The following JAKMIP2 variants were observed in gnomAD, a reference collection of about 807,000 sequenced individuals.
JAKMIP2 encodes janus kinase and microtubule-interacting protein 2.
In JAKMIP2, 25 loss-of-function variants were observed where a neutral mutation model predicts 115.0. That is an observed-to-expected ratio of 0.22 (90% CI 0.16 to 0.30). The LOEUF (loss-of-function observed/expected upper bound fraction) is 0.30, where lower values mean the gene tolerates loss of function less well. Ranked by LOEUF, JAKMIP2 falls within the 10% of genes least tolerant of loss-of-function variation. JAKMIP2 has a pLI of 1.00. For synonymous variants in JAKMIP2, 334 were observed against 343.6 expected (o/e 0.97, Z 0.31); for missense variants, 642 against 957.6 (o/e 0.67, Z 4.35).
intron 17 of JAKMIP2, among the ~76,000 whole-genome samples, chr5:147,623,293 G>T (rs1756939556): frequency 6.7e-6 from 1 of 149,938 alleles, no homozygotes; most frequent in East Asian, 2.0e-4. Flanking sequence ...TAAAATCAGA[G>T]TTACACCCTC....
rs188717513 is a variant in JAKMIP2 at position 147,661,738 on chromosome 5, A to G, written c.130-293T>C. The G allele has an allele frequency of 1.0e-4, 33 of 329,938 alleles. No homozygotes were observed. In the Admixed American group the frequency reaches 1.4e-3, roughly 14 times the overall value. The allele number at this position is 329,938 out of a possible 1,614,324, so 20.4% of individuals were successfully genotyped here. ...CAAGCAGCCTCGGTATCACCCAGGA[A>G]GCATGTTAGAAGCACAGAATCCCTG... On this transcript the variant is annotated intron_variant, in intron 2 of 21. Coordinates refer to ENST00000616793, the MANE Select transcript of JAKMIP2 (RefSeq NM_001270941.2).
chr5:147,742,821 C>T (rs79004849), intron 1 of JAKMIP2, among the ~76,000 whole-genome samples: 9,897 of 151,906 alleles, frequency 0.065, 644 homozygotes, highest in African/African-American at 0.16. Context: ...TACACTATTT[C>T]GGTGTTAGAA....
chr5:147,704,475 G>T (rs767719234), intron 1 of JAKMIP2, among the ~76,000 whole-genome samples: 4 of 152,100 alleles, frequency 2.6e-5, no homozygotes, highest in Admixed American at 2.0e-4. Context: ...GTGGGACATG[G>T]CTGTATGTTC....
chr5:147,632,502 A>C (rs1282486203), intron 13 of JAKMIP2, among the ~76,000 whole-genome samples, 178 bp downstream of exon 13: 1 of 152,188 alleles, frequency 6.6e-6, no homozygotes, highest in Non-Finnish European at 1.5e-5. Flanking sequence ...TACTAGTCAC[A>C]GGACTTAGGC....
chr5:147,645,844 T>C (rs1758107226), intron 5 of JAKMIP2, among the ~76,000 whole-genome samples: 1 of 152,192 alleles, frequency 6.6e-6, no homozygotes, highest in South Asian at 2.1e-4. Context: ...CAAAATCGCC[T>C]GTAGTTGGGA....
Position 147,639,777 on chromosome 5 carries a change from A to G in JAKMIP2, c.1402-17T>C. ...TGCTAAACTCTTGAGGTTAAGAAAA[A>G]AAGCCCCAAAACAATTGTGTTATGT... is the stretch of plus-strand genomic sequence containing the variant. On this transcript the variant is annotated splice_polypyrimidine_tract_variant and intron_variant, in intron 9 of 21. Coordinates refer to ENST00000616793, the MANE Select transcript of JAKMIP2 (RefSeq NM_001270941.2). The G allele has an allele frequency of 6.2e-7, 1 of 1,610,062 alleles. No individual in the cohort carries two copies.
Position 147,590,100 on chromosome 5 carries a change from T to A in JAKMIP2, c.*1607A>T, listed in dbSNP as rs1755040986. ...AAAAAGTGGGACCCCAGCATTCTAGTTTTTATTGTACATTCTTCAGTTATT... is the reference window on the plus strand; with the variant it reads ...AAAAAGTGGGACCCCAGCATTCTAGATTTTATTGTACATTCTTCAGTTATT... On this transcript the variant is annotated 3_prime_UTR_variant, in exon 22 of 22. Coordinates refer to ENST00000616793, the MANE Select transcript of JAKMIP2 (RefSeq NM_001270941.2). 6.6e-6 allele frequency: 1 copy of A among 152,180 alleles called. No individual in the cohort carries two copies. Among genetic ancestry groups the A allele is most frequent in the Non-Finnish European group, 1.5e-5 (1 of 68,036 alleles). The allele number at this position is 152,180 out of a possible 1,614,324, so 9.4% of individuals were successfully genotyped here. A position where few individuals can be genotyped will look rare whatever the true frequency, so the allele number is the denominator to read the frequency against.
At chr5:147,751,959 A>G (rs1008135875) in intron 1 of JAKMIP2, among the ~76,000 whole-genome samples, 1 of 152,208 alleles carries the variant, frequency 6.6e-6, no homozygotes, top group Non-Finnish European at 1.5e-5. Flanking sequence ...GTCTGCCGTC[A>G]GCTTATAAAC....
At chr5:147,736,252 T>G (rs1580855480) in intron 1 of JAKMIP2, among the ~76,000 whole-genome samples, 1 of 150,490 alleles carries the variant, frequency 6.6e-6, no homozygotes, top group East Asian at 2.0e-4. Context: ...GATCAGGAGG[T>G]CAAGACCAGC....
At chr5:147,631,338 CG>C (rs1757339427) in intron 14 of JAKMIP2, 74 bp downstream of exon 14, 1 of 831,376 alleles carries the variant, frequency 1.2e-6, no homozygotes, top group Non-Finnish European at 1.9e-6. Context: ...ACAAAATAGT[CG>C]TAAGTAACCT....
Position 147,657,540 on chromosome 5 carries a change from C to T in JAKMIP2, c.627+3408G>A, listed in dbSNP as rs192718189. Among the ~76,000 whole-genome samples the T allele has an allele frequency of 2.1e-3, 322 of 152,190 alleles. 2 individuals carry two copies. The highest frequency in any genetic ancestry group is 7.2e-3 in the African/African-American group (301 of 41,534). Reference sequence around the variant, plus strand: ...GTTCTCTGTATTTCCTGGATTTGAACGTTGGCCTGTCTTGCTAGGTTGGAG... The same window carrying T: ...GTTCTCTGTATTTCCTGGATTTGAATGTTGGCCTGTCTTGCTAGGTTGGAG... On this transcript the variant is annotated intron_variant, in intron 3 of 21. Coordinates refer to ENST00000616793, the MANE Select transcript of JAKMIP2 (RefSeq NM_001270941.2).
At chr5:147,693,210 C>CT (rs569211840) in intron 1 of JAKMIP2, among the ~76,000 whole-genome samples, 85 of 152,288 alleles carry the variant, frequency 5.6e-4, no homozygotes, top group African/African-American at 2.0e-3. Context: ...AAGGCCAGCT[C>CT]TTATCTCTTA....
intron 2 of JAKMIP2, among the ~76,000 whole-genome samples, chr5:147,664,077 G>A (rs755390166): frequency 4.0e-4 from 61 of 152,130 alleles, no homozygotes; most frequent in African/African-American, 1.4e-3. Flanking sequence ...TATTCTAAAC[G>A]ATATTATTAC....
chr5:147,686,545 G>A (rs1760581747), intron 1 of JAKMIP2, among the ~76,000 whole-genome samples: 1 of 152,144 alleles, frequency 6.6e-6, no homozygotes, highest in Admixed American at 6.6e-5. Flanking sequence ...TATCCGCAGT[G>A]CTTAGCACAG....
Position 147,612,285 on chromosome 5 carries a change from G to A in JAKMIP2, c.2412+21C>T, listed in dbSNP as rs913931912. On this transcript the variant is annotated intron_variant, in intron 20 of 21. Coordinates refer to ENST00000616793, the MANE Select transcript of JAKMIP2 (RefSeq NM_001270941.2). Reference sequence around the variant, plus strand: ...TTCTGATTAAACAAATAATAAGATAGTTATTGAATTTGACACCTACCTTTT... The same window carrying A: ...TTCTGATTAAACAAATAATAAGATAATTATTGAATTTGACACCTACCTTTT... The A allele has an allele frequency of 2.9e-6, 4 of 1,393,258 alleles. No individual in the cohort carries two copies. In the African/African-American group the frequency reaches 4.3e-5, roughly 15 times the overall value. 86.3% of individuals were successfully genotyped at this position (1,393,258 alleles called of 1,614,324 possible). A position where few individuals can be genotyped will look rare whatever the true frequency, so the allele number is the denominator to read the frequency against.
rs1757842215 is a variant in JAKMIP2 at position 147,640,731 on chromosome 5, T to C, written c.1374A>G (p.Pro458=). 6.2e-7 allele frequency: 1 copy of C among 1,613,754 alleles called. No homozygotes were observed. Among genetic ancestry groups the C allele is most frequent in the East Asian group, 2.2e-5 (1 of 44,834 alleles). The change falls in exon 9 of 22, where the codon CCA becomes CCG. Residue 458 remains proline, a synonymous_variant. Transcript: ENST00000616793. The part of the protein sequence containing the change: ...SMASFRTDRT[P]ATPDDDLDES... Reference sequence around the variant, plus strand: ...CATCCAAGTCATCATCAGGAGTAGCTGGTGTTCTGTCTGTTCTAAATGAGG... The same window carrying C: ...CATCCAAGTCATCATCAGGAGTAGCCGGTGTTCTGTCTGTTCTAAATGAGG...
intron 1 of JAKMIP2, among the ~76,000 whole-genome samples, chr5:147,717,311 A>G (rs1265820631): frequency 1.4e-5 from 2 of 144,034 alleles, no homozygotes; most frequent in Admixed American, 7.0e-5. Flanking sequence ...TTGGCTTAGG[A>G]TTGACTTGGC....
At chr5:147,637,104 C>A (rs1757650214) in intron 10 of JAKMIP2, 56 bp from the exon 11 acceptor site, 6 of 844,522 alleles carry the variant, frequency 7.1e-6, no homozygotes, top group Non-Finnish European at 6.2e-6. Flanking sequence ...CAATACCTTT[C>A]TTGACTAGAA....
chr5:147,743,999 TTTCCTTCCTTCCTTCCTTCCTTCCTTCC>T lies in JAKMIP2; in HGVS notation c.-149+38429_-149+38456del, dbSNP rs542685199. 2.3e-3 allele frequency among the ~76,000 whole-genome samples: 260 copies of T among 112,078 alleles called. 1 individual carries two copies. Among genetic ancestry groups the T allele is most frequent in the African/African-American group, 8.1e-3 (240 of 29,716 alleles). The allele number at this position is 112,078 out of a possible 152,430, so 73.5% of individuals were successfully genotyped here. A position where few individuals can be genotyped will look rare whatever the true frequency, so the allele number is the denominator to read the frequency against. ...CCTCCCTTCCTTCCTTCCTAACTTC[TTTCCTTCCTTCCTTCCTTCCTTCCTTCC>T]TTCCTTCCTTCCTTCCTTCCTTCCT... On this transcript the variant is annotated intron_variant, in intron 1 of 21. Coordinates refer to ENST00000616793, the MANE Select transcript of JAKMIP2 (RefSeq NM_001270941.2).
Sources: allele counts gnomAD v4.1 joint callset (sites outside exome capture counted in the v4.1 genomes callset), GRCh38; gene constraint gnomAD v4.1.1; transcripts MANE v1.5; gene names NCBI Gene and HGNC (gene_info 2026-07-23, HGNC 2026-07-21).